Variants in PCDHA9 observed in about 807,000 individuals in gnomAD.
PCDHA9 encodes protocadherin alpha 9.
Under a neutral mutation model 62.0 loss-of-function variants are expected in PCDHA9, and 62 were observed. The ratio of observed to expected loss-of-function variants is 1.00; its 90% CI spans 0.81 to 1.23. PCDHA9 has a LOEUF of 1.23. Among genes scored for constraint, PCDHA9 ranks in the 50% most tolerant of loss-of-function variants. PCDHA9 has a pLI of 0.00. For synonymous variants in PCDHA9, 557 were observed against 567.6 expected, an observed-to-expected ratio of 0.98 and a Z score of 0.27; for missense variants, 1,205 against 1,249.8, an observed-to-expected ratio of 0.96 and a Z score of 0.54.
chr5:140,869,086 A>G (rs1554162467), intron 1 of PCDHA9: 1 of 1,584,176 alleles, frequency 6.3e-7, no homozygotes, highest in African/African-American at 1.4e-5. Context: ...CTTATTTTGG[A>G]AGCCAATTTC....
At position 140,917,332 on chromosome 5, in the gene PCDHA9, G is replaced by T. The variant is rs182473611; in HGVS notation, c.2395-61617G>T. Among the ~76,000 whole-genome samples the T allele has an allele frequency of 8.2e-3, 1,196 of 145,640 alleles. 67 individuals carry two copies. The highest frequency in any genetic ancestry group is 0.021 in the African/African-American group (776 of 37,840). On this transcript the variant is annotated intron_variant, in intron 1 of 3. Transcript: ENST00000532602. ...ATTTGGTGTTCATGTGGCGGGGGAG[G>T]GGGGGGATGGTGTAGGCTTCTGTTC... is the stretch of plus-strand genomic sequence containing the variant.
chr5:140,953,270 T>A (rs1362290837), intron 1 of PCDHA9, among the ~76,000 whole-genome samples: 6 of 152,152 alleles, frequency 3.9e-5, no homozygotes, highest in Non-Finnish European at 5.9e-5. Flanking sequence ...GCTTTAGCCT[T>A]TGCTCTTTAT....
At chr5:140,867,347 T>C (rs1465501574) in intron 1 of PCDHA9, 1 of 152,144 alleles carries the variant, frequency 6.6e-6, no homozygotes, top group Non-Finnish European at 1.5e-5. Context: ...GAGGCTACTA[T>C]GATTGATTAT....
intron 1 of PCDHA9, among the ~76,000 whole-genome samples, chr5:140,880,655 G>A (rs782616371): frequency 6.6e-6 from 1 of 152,186 alleles, no homozygotes; most frequent in African/African-American, 2.4e-5. Context: ...CCCAACTGAG[G>A]TAAAGGTGAG....
intron 1 of PCDHA9, among the ~76,000 whole-genome samples, chr5:140,873,360 T>C (rs1271954811): frequency 6.6e-6 from 1 of 152,170 alleles, no homozygotes; most frequent in African/African-American, 2.4e-5. Flanking sequence ...ATTTTTGGAA[T>C]AACTGAAGAT....
intron 1 of PCDHA9, chr5:140,968,302 G>C (rs2096236958): frequency 6.2e-7 from 1 of 1,613,812 alleles, no homozygotes; most frequent in African/African-American, 1.3e-5. Context: ...TGGAGAGGGA[G>C]ATTCAAGGGC....
At chr5:140,943,688 G>A (rs2093547294) in intron 1 of PCDHA9, among the ~76,000 whole-genome samples, 1 of 152,170 alleles carries the variant, frequency 6.6e-6, no homozygotes. Context: ...AAGGGATAAG[G>A]TCAAAATATT....
chr5:140,892,332 T>C (rs552266223), intron 1 of PCDHA9, among the ~76,000 whole-genome samples: 41 of 152,392 alleles, frequency 2.7e-4, no homozygotes, highest in African/African-American at 9.9e-4. Flanking sequence ...TTCTCCAGAA[T>C]GGATTTTAAT....
chr5:140,865,392 A>G (rs1554159412), intron 1 of PCDHA9: 1 of 152,244 alleles, frequency 6.6e-6, no homozygotes, highest in Non-Finnish European at 1.5e-5. Context: ...TAAAGTTAAT[A>G]TAAATGCTGA....
At chr5:141,008,923 C>T (rs2098394604) in intron 3 of PCDHA9, among the ~76,000 whole-genome samples, 1 of 152,160 alleles carries the variant, frequency 6.6e-6, no homozygotes. Flanking sequence ...ATTTATTCAG[C>T]TAATTTTTCT....
At chr5:140,967,405 G>A in intron 1 of PCDHA9, 1 of 1,612,164 alleles carries the variant, frequency 6.2e-7, no homozygotes, top group Non-Finnish European at 8.5e-7. Context: ...TGCTGCGTAA[G>A]GGCCTAGACC....
intron 1 of PCDHA9, among the ~76,000 whole-genome samples, chr5:140,899,745 A>G: frequency 6.6e-6 from 1 of 152,214 alleles, no homozygotes; most frequent in Non-Finnish European, 1.5e-5. Flanking sequence ...GAATAGTTTC[A>G]GAAGGAATGG....
intron 1 of PCDHA9, among the ~76,000 whole-genome samples, chr5:140,965,168 T>A (rs1484687706): frequency 6.6e-6 from 1 of 152,180 alleles, no homozygotes; most frequent in Non-Finnish European, 1.5e-5. Context: ...GACGTTTTAG[T>A]GAGTGCTTTT....
intron 1 of PCDHA9, among the ~76,000 whole-genome samples, chr5:140,923,350 A>G (rs2081329332): frequency 6.6e-6 from 1 of 152,092 alleles, no homozygotes; most frequent in Non-Finnish European, 1.5e-5. Flanking sequence ...ACATAGTGGG[A>G]CCCTATCTTT....
At chr5:140,988,026 T>A (rs1405610277) in intron 3 of PCDHA9, among the ~76,000 whole-genome samples, 1 of 152,152 alleles carries the variant, frequency 6.6e-6, no homozygotes, top group Non-Finnish European at 1.5e-5. Context: ...GATTCTTAAG[T>A]TTTTTAGAAT....
chr5:140,928,690 A>AT lies in PCDHA9; in HGVS notation c.2395-50258dup, dbSNP rs2085447249. On this transcript the variant is annotated intron_variant, in intron 1 of 3. Transcript: ENST00000532602. ...TTCTAATGCCTGGCTTTCCTACCAC[A>AT]TCTCCCGGGCGTCTGACTCTAGTCT... 6 of 1,614,180 alleles carry AT rather than the reference A, an allele frequency of 3.7e-6. No homozygotes were observed. The African/African-American group carries it at 4.0e-5, about 11-fold the overall frequency.
At chr5:140,883,217 G>A (rs868963567) in intron 1 of PCDHA9, 1 of 1,613,990 alleles carries the variant, frequency 6.2e-7, no homozygotes, top group Non-Finnish European at 8.5e-7. Context: ...GAAATTATAT[G>A]AAATATCCGT....
intron 1 of PCDHA9, among the ~76,000 whole-genome samples, chr5:140,950,049 CTATT>C (rs2094445672): frequency 1.3e-5 from 2 of 151,756 alleles, no homozygotes; most frequent in Non-Finnish European, 3.0e-5. Flanking sequence ...CCATATAAGA[CTATT>C]TAGCTCTTCC....
At chr5:140,869,850 G>A in intron 1 of PCDHA9, 1 of 1,610,774 alleles carries the variant, frequency 6.2e-7, no homozygotes, top group South Asian at 1.1e-5. Flanking sequence ...AATATAAGGT[G>A]AGCCTTATGG....
Sources: allele counts gnomAD v4.1 joint callset (sites outside exome capture counted in the v4.1 genomes callset), GRCh38; gene constraint gnomAD v4.1.1; transcripts MANE v1.5; gene names NCBI Gene and HGNC (gene_info 2026-07-23, HGNC 2026-07-21).